The following CYB5RL variants were observed in gnomAD, a reference collection of about 807,000 sequenced individuals.
The protein encoded by CYB5RL is cytochrome b5 reductase like.
A neutral mutation model predicts 37.5 loss-of-function variants in CYB5RL; 38 were observed. The observed-to-expected ratio is 1.01, with a 90% CI of 0.78 to 1.33. The LOEUF (loss-of-function observed/expected upper bound fraction) is 1.33, where lower values mean the gene tolerates loss of function less well. CYB5RL is among the 40% of genes most tolerant of loss of function. The probability of loss-of-function intolerance (pLI) is 0.00; values close to 1 mark genes in which losing one functional copy is unlikely to be tolerated. For synonymous variants in CYB5RL, 141 were observed against 151.9 expected, an observed-to-expected ratio of 0.93 and a Z score of 0.53; for missense variants, 388 against 394.4, an observed-to-expected ratio of 0.98 and a Z score of 0.14.
intron 7 of CYB5RL, among the ~76,000 whole-genome samples, chr1:54,178,402 G>T (rs1449400074): frequency 1.3e-5 from 2 of 152,178 alleles, no homozygotes; most frequent in Non-Finnish European, 2.9e-5. Flanking sequence ...GAAAAGTGAA[G>T]CTACCAACCA....
intron 1 of CYB5RL, among the ~76,000 whole-genome samples, chr1:54,197,798 G>C (rs1031791051): frequency 1.3e-5 from 2 of 151,900 alleles, no homozygotes; most frequent in Admixed American, 6.6e-5. Context: ...AAGGTGGGTG[G>C]ATCACGAGGT....
Position 54,195,458 on chromosome 1 carries a change from G to A in CYB5RL, c.159C>T (p.Ala53=). ...CACGCAGCAGGCTCCTGTCCTTGCTGGCTTGGGCTGCCTCCCACCTTGCCA... is the reference window on the plus strand; with the variant it reads ...CACGCAGCAGGCTCCTGTCCTTGCTAGCTTGGGCTGCCTCCCACCTTGCCA... The part of the protein sequence containing the change: ...RDLARWEAAQ[A]SKDRSLLRGP... The change falls in exon 3 of 8, where the codon GCC becomes GCT. Residue 53 remains alanine (A), a synonymous_variant. Coordinates refer to ENST00000534324, the MANE Select transcript of CYB5RL (RefSeq NM_001031672.4). 1 of 1,612,012 alleles carries A rather than the reference G, an allele frequency of 6.2e-7. No individual in the cohort carries two copies. The highest frequency in any genetic ancestry group is 8.5e-7 in the Non-Finnish European group (1 of 1,178,780).
At chr1:54,186,186 A>G (rs1461930994) in intron 5 of CYB5RL, 1 of 152,286 alleles carries the variant, frequency 6.6e-6, no homozygotes, top group Admixed American at 6.5e-5. Context: ...CATACTTGTT[A>G]AACAGAACTG....
chr1:54,183,404 C>T (rs1348593148), intron 6 of CYB5RL, among the ~76,000 whole-genome samples: 2 of 152,172 alleles, frequency 1.3e-5, no homozygotes, highest in Non-Finnish European at 2.9e-5. Flanking sequence ...TGTCAAAATG[C>T]TTTCCAGATA....
At position 54,174,325 on chromosome 1, in the gene CYB5RL, C is replaced by T; in HGVS notation, c.*294G>A. 2.4e-6 allele frequency: 1 copy of T among 415,718 alleles called. No individual in the cohort carries two copies. Among genetic ancestry groups the T allele is most frequent in the Non-Finnish European group, 4.5e-6 (1 of 222,612 alleles). 25.8% of individuals were successfully genotyped at this position (415,718 alleles called of 1,614,324 possible). A position where few individuals can be genotyped will look rare whatever the true frequency, so the allele number is the denominator to read the frequency against. On this transcript the variant is annotated 3_prime_UTR_variant, in exon 8 of 8. Coordinates refer to ENST00000534324, the MANE Select transcript of CYB5RL (RefSeq NM_001031672.4). Reference sequence around the variant, plus strand: ...AACTCCTACTCCTCCTGGGGCTCAGCCTGGACTTGGCTTCCTCTGAAGAGT... The same window carrying T: ...AACTCCTACTCCTCCTGGGGCTCAGTCTGGACTTGGCTTCCTCTGAAGAGT...
chr1:54,199,032 C>T lies in CYB5RL; in HGVS notation c.-223+944G>A, dbSNP rs546124869. On this transcript the variant is annotated intron_variant, in intron 1 of 7. Transcript: ENST00000534324. ...ATGAATTTTAAAGAGTTGGTTCATG[C>T]GTCCTCTGAGCTCTATCTTTTCAGT... Among the ~76,000 whole-genome samples, 78 of 152,198 alleles carry T rather than the reference C, an allele frequency of 5.1e-4. 1 individual carries two copies. The highest frequency in any genetic ancestry group is 1.6e-3 in the African/African-American group (65 of 41,532).
intron 6 of CYB5RL, among the ~76,000 whole-genome samples, chr1:54,183,437 C>T (rs1353216575): frequency 3.3e-5 from 5 of 152,114 alleles, no homozygotes; most frequent in Admixed American, 2.0e-4. Context: ...TGAGAAATTA[C>T]GAATTCTTAC....
chr1:54,195,175 A>G (rs1287660339), intron 3 of CYB5RL, among the ~76,000 whole-genome samples: 4 of 152,252 alleles, frequency 2.6e-5, no homozygotes, highest in Non-Finnish European at 5.9e-5. Flanking sequence ...TGTGCTACAC[A>G]TCACAAACAT....
At chr1:54,189,825 T>C (rs541294654) in intron 4 of CYB5RL, among the ~76,000 whole-genome samples, 50 of 152,344 alleles carry the variant, frequency 3.3e-4, no homozygotes, top group African/African-American at 1.2e-3. Context: ...GGGGCCAGTG[T>C]GAAGCAAGTG....
intron 5 of CYB5RL, 60 bp downstream of exon 5, chr1:54,187,592 C>T: frequency 3.3e-6 from 5 of 1,534,274 alleles, no homozygotes; most frequent in Non-Finnish European, 4.5e-6. Flanking sequence ...CTTTAGCTCT[C>T]CATTCTTAGA....
intron 3 of CYB5RL, among the ~76,000 whole-genome samples, chr1:54,194,687 G>T (rs1404646712): frequency 6.6e-6 from 1 of 152,196 alleles, no homozygotes; most frequent in Non-Finnish European, 1.5e-5. Flanking sequence ...AGATGGCATT[G>T]AGAGAGGTAG....
intron 5 of CYB5RL, among the ~76,000 whole-genome samples, chr1:54,187,211 T>C (rs1470929015): frequency 1.3e-5 from 2 of 152,276 alleles, no homozygotes; most frequent in Admixed American, 1.3e-4. Flanking sequence ...CCACCCTGCC[T>C]TCTCCACCAG....
At chr1:54,187,878 C>CCT in intron 4 of CYB5RL, 139 bp from the exon 5 acceptor site, 1 of 664,048 alleles carries the variant, frequency 1.5e-6, no homozygotes, top group Non-Finnish European at 2.6e-6. Flanking sequence ...GAGTTTGAGA[C>CCT]CAGCCTGGAC....
At chr1:54,197,126 A>G (rs897196316) in intron 1 of CYB5RL, among the ~76,000 whole-genome samples, 5 of 152,124 alleles carry the variant, frequency 3.3e-5, no homozygotes, top group African/African-American at 1.2e-4. Context: ...GCATCCAAGT[A>G]CAAAATCCAG....
intron 1 of CYB5RL, among the ~76,000 whole-genome samples, chr1:54,199,413 G>C (rs1347118415): frequency 6.6e-6 from 1 of 152,148 alleles, no homozygotes; most frequent in African/African-American, 2.4e-5. Flanking sequence ...AATAACTACG[G>C]AAAAGGGATA....
intron 3 of CYB5RL, among the ~76,000 whole-genome samples, chr1:54,194,032 A>G (rs34917259): frequency 6.2e-5 from 9 of 146,022 alleles, no homozygotes; most frequent in South Asian, 2.1e-4. Flanking sequence ...TAATAATGAT[A>G]ATAATAATAA....
Position 54,194,029 on chromosome 1 carries a change from G to GATAATA in CYB5RL, c.198+1384_198+1389dup, listed in dbSNP as rs35993013. Among the ~76,000 whole-genome samples, 432 of 144,310 alleles carry GATAATA rather than the reference G, an allele frequency of 3.0e-3. 1 individual carries two copies. The highest frequency in any genetic ancestry group is 4.5e-3 in the African/African-American group (173 of 38,286). The allele number at this position is 144,310 out of a possible 152,430, so 94.7% of individuals were successfully genotyped here. On this transcript the variant is annotated intron_variant, in intron 3 of 7. Coordinates refer to ENST00000534324, the MANE Select transcript of CYB5RL (RefSeq NM_001031672.4). ...CAATAATAATAATAATAATAATAAT[G>GATAATA]ATAATAATAATAATAATAATAATGT... is the stretch of plus-strand genomic sequence containing the variant.
intron 6 of CYB5RL, among the ~76,000 whole-genome samples, chr1:54,181,220 C>T (rs1203465354): frequency 1.3e-5 from 2 of 152,190 alleles, no homozygotes; most frequent in Non-Finnish European, 2.9e-5. Context: ...TTTCCCAAGC[C>T]AGGGCAGGGG....
At chr1:54,177,483 CCCA>C (rs1660049333) in intron 7 of CYB5RL, among the ~76,000 whole-genome samples, 1 of 152,170 alleles carries the variant, frequency 6.6e-6, no homozygotes, top group Non-Finnish European at 1.5e-5. Context: ...CTGGCCTCTA[CCCA>C]CCACTGGCAT....
Sources: allele counts gnomAD v4.1 joint callset (sites outside exome capture counted in the v4.1 genomes callset), GRCh38; gene constraint gnomAD v4.1.1; transcripts MANE v1.5; gene names NCBI Gene and HGNC (gene_info 2026-07-23, HGNC 2026-07-21).